The following CAMK1D variants were observed in gnomAD, a reference collection of about 807,000 sequenced individuals.
CAMK1D encodes the protein calcium/calmodulin-dependent protein kinase type 1D.
CAMK1D carries 9 observed loss-of-function variants against 47.7 expected under a neutral mutation model. That is an observed-to-expected ratio of 0.19 (90% CI 0.11 to 0.33). The LOEUF (loss-of-function observed/expected upper bound fraction) is 0.33. Among genes scored for constraint, CAMK1D ranks in the 10% least tolerant of loss-of-function variants. CAMK1D has a pLI of 1.00. For synonymous variants in CAMK1D, 184 were observed against 184.9 expected (o/e 0.99, Z 0.04); for missense variants, 291 against 488.7 (o/e 0.60, Z 3.81).
intron 1 of CAMK1D, among the ~76,000 whole-genome samples, chr10:12,544,800 A>G (rs929892270): frequency 6.6e-6 from 1 of 150,892 alleles, no homozygotes; most frequent in Admixed American, 6.6e-5. Context: ...TTGAGTGGAT[A>G]GTACTAGTGT....
At chr10:12,434,619 G>A (rs1832575952) in intron 1 of CAMK1D, among the ~76,000 whole-genome samples, 1 of 152,190 alleles carries the variant, frequency 6.6e-6, no homozygotes, top group East Asian at 1.9e-4. Flanking sequence ...AGATTCCAAG[G>A]ATTTAAGGAC....
chr10:12,624,045 C>T (rs903837928), intron 2 of CAMK1D, among the ~76,000 whole-genome samples: 2 of 152,162 alleles, frequency 1.3e-5, no homozygotes, highest in South Asian at 2.1e-4. Flanking sequence ...TGCCACTGCA[C>T]TCCAGTCTGG....
At chr10:12,706,351 G>A (rs914005040) in intron 3 of CAMK1D, among the ~76,000 whole-genome samples, 1 of 152,168 alleles carries the variant, frequency 6.6e-6, no homozygotes, top group African/African-American at 2.4e-5. Flanking sequence ...TGAAACTGAG[G>A]CTAAGGGGGC....
chr10:12,771,041 T>G (rs1023091286), intron 5 of CAMK1D, among the ~76,000 whole-genome samples: 2 of 152,112 alleles, frequency 1.3e-5, no homozygotes, highest in Non-Finnish European at 2.9e-5. Flanking sequence ...GTGGTTCTCC[T>G]GCCTCAGCCT....
intron 3 of CAMK1D, among the ~76,000 whole-genome samples, chr10:12,677,513 C>T (rs1840851938): frequency 6.6e-6 from 1 of 152,082 alleles, no homozygotes; most frequent in Admixed American, 6.6e-5. Flanking sequence ...GATTATAACC[C>T]TCGGAGGTTG....
At chr10:12,669,241 A>C (rs1212537110) in intron 3 of CAMK1D, among the ~76,000 whole-genome samples, 1 of 105,794 alleles carries the variant, frequency 9.5e-6, no homozygotes, top group African/African-American at 3.7e-5. Flanking sequence ...CGAAACAAAC[A>C]AAAAAACCCC....
At chr10:12,670,553 AT>A (rs35082652) in intron 3 of CAMK1D, among the ~76,000 whole-genome samples, 41,792 of 147,404 alleles carry the variant, frequency 0.28, 6,234 homozygotes, top group South Asian at 0.39. Context: ...GTACAATGAA[AT>A]TTTTTTTTTT....
intron 1 of CAMK1D, 122 bp from the exon 2 acceptor site, chr10:12,553,103 C>T (rs1836640458): frequency 1.3e-6 from 2 of 1,539,544 alleles, no homozygotes; most frequent in Non-Finnish European, 1.8e-6. Flanking sequence ...ATAAAAGTAA[C>T]AGTAATGCTT....
intron 1 of CAMK1D, among the ~76,000 whole-genome samples, chr10:12,419,067 G>A (rs1394500395): frequency 1.3e-5 from 2 of 152,128 alleles, no homozygotes; most frequent in Admixed American, 6.5e-5. Flanking sequence ...CCTCACATTC[G>A]GAAAGGTGTC....
intron 1 of CAMK1D, among the ~76,000 whole-genome samples, chr10:12,401,938 C>T (rs1309186632): frequency 6.6e-6 from 1 of 151,644 alleles, no homozygotes; most frequent in African/African-American, 2.4e-5. Context: ...CTCTGTCACC[C>T]AGGCTGGAGT....
At chr10:12,387,364 AATAT>A (rs1220421311) in intron 1 of CAMK1D, among the ~76,000 whole-genome samples, 2 of 69,652 alleles carry the variant, frequency 2.9e-5, no homozygotes, top group Admixed American at 2.1e-4. Flanking sequence ...TTATATATAT[AATAT>A]ATATATTATA....
At chr10:12,464,566 A>G (rs902838908) in intron 1 of CAMK1D, among the ~76,000 whole-genome samples, 2 of 152,204 alleles carry the variant, frequency 1.3e-5, no homozygotes, top group African/African-American at 4.8e-5. Context: ...CTGTAATCCC[A>G]GTACTTTGGG....
At chr10:12,582,976 G>A (rs757673545) in intron 2 of CAMK1D, among the ~76,000 whole-genome samples, 1 of 152,144 alleles carries the variant, frequency 6.6e-6, no homozygotes, top group Non-Finnish European at 1.5e-5. Flanking sequence ...AGTGGCTCAC[G>A]CCTGTAATCC....
chr10:12,459,863 C>A (rs908344593), intron 1 of CAMK1D, among the ~76,000 whole-genome samples: 2 of 152,158 alleles, frequency 1.3e-5, no homozygotes, highest in Non-Finnish European at 2.9e-5. Flanking sequence ...TGGGGAAAGG[C>A]GGTGTTATTG....
intron 1 of CAMK1D, among the ~76,000 whole-genome samples, chr10:12,421,648 C>T (rs79601430): frequency 0.19 from 29,083 of 149,350 alleles, 2,948 homozygotes; most frequent in Admixed American, 0.29. Context: ...GCCTCAGCCT[C>T]CCAAGTAGCT....
chr10:12,504,353 T>C (rs918926835), intron 1 of CAMK1D, among the ~76,000 whole-genome samples: 2 of 152,062 alleles, frequency 1.3e-5, no homozygotes, highest in African/African-American at 4.8e-5. Context: ...GTGGTGGTCA[T>C]GGTGTAAGTC....
intron 1 of CAMK1D, among the ~76,000 whole-genome samples, chr10:12,354,552 A>G (rs1837446046): frequency 6.8e-6 from 1 of 146,064 alleles, no homozygotes; most frequent in Non-Finnish European, 1.5e-5. Context: ...CAGCCTCCCA[A>G]GTAGCACCAC....
chr10:12,483,168 G>T (rs1466316149), intron 1 of CAMK1D, among the ~76,000 whole-genome samples: 2 of 152,074 alleles, frequency 1.3e-5, no homozygotes, highest in Non-Finnish European at 2.9e-5. Context: ...TGTGTTTGTG[G>T]AGCATCATTC....
chr10:12,392,385 CT>C (rs1340734896), intron 1 of CAMK1D, among the ~76,000 whole-genome samples: 1 of 152,120 alleles, frequency 6.6e-6, no homozygotes, highest in African/African-American at 2.4e-5. Context: ...CCCCCAGCCC[CT>C]GACACCTACC....
Sources: allele counts gnomAD v4.1 joint callset (sites outside exome capture counted in the v4.1 genomes callset), GRCh38; gene constraint gnomAD v4.1.1; transcripts MANE v1.5; gene names NCBI Gene and HGNC (gene_info 2026-07-23, HGNC 2026-07-21).